Variants in BBS9 observed in about 807,000 individuals in gnomAD.
BBS9 encodes Bardet-Biedl syndrome 9.
A neutral mutation model predicts 117.7 loss-of-function variants in BBS9; 89 were observed. The ratio of observed to expected loss-of-function variants is 0.76; its 90% CI spans 0.64 to 0.90. BBS9 has a LOEUF of 0.90. Among genes scored for constraint, BBS9 ranks in the 40% least tolerant of loss-of-function variants. The pLI, the probability that BBS9 is intolerant of heterozygous loss-of-function variation, is 0.00. For missense variants in BBS9, 982 were observed against 1,042.2 expected, an observed-to-expected ratio of 0.94 and a Z score of 0.80; for synonymous variants, 379 against 370.9, an observed-to-expected ratio of 1.02 and a Z score of -0.25.
At chr7:33,303,175 G>C (rs1311861936) in intron 9 of BBS9, among the ~76,000 whole-genome samples, 1 of 152,112 alleles carries the variant, frequency 6.6e-6, no homozygotes, top group Non-Finnish European at 1.5e-5. Flanking sequence ...GGAGTCTTCA[G>C]GTTTTTCTGA....
At chr7:33,455,058 C>G (rs1004386484) in intron 19 of BBS9, among the ~76,000 whole-genome samples, 3 of 152,168 alleles carry the variant, frequency 2.0e-5, no homozygotes, top group African/African-American at 7.2e-5. Context: ...TCCAGTTTAT[C>G]ATGTTGTGAG....
chr7:33,544,269 G>T (rs1174532872), intron 21 of BBS9, among the ~76,000 whole-genome samples: 2 of 152,100 alleles, frequency 1.3e-5, no homozygotes, highest in Non-Finnish European at 2.9e-5. Context: ...GAAGAGCCTT[G>T]TTTCATCATA....
intron 21 of BBS9, among the ~76,000 whole-genome samples, chr7:33,613,378 C>G (rs1864973415): frequency 6.6e-6 from 1 of 151,990 alleles, no homozygotes; most frequent in African/African-American, 2.4e-5. Context: ...CCGTGAAATT[C>G]CTGTAGTGCT....
intron 20 of BBS9, among the ~76,000 whole-genome samples, chr7:33,514,708 A>G (rs1004653675): frequency 4.6e-5 from 7 of 152,224 alleles, no homozygotes; most frequent in Non-Finnish European, 8.8e-5. Context: ...CAAAGTAACT[A>G]AAAATGGCGT....
At chr7:33,549,516 G>A (rs980962994) in intron 21 of BBS9, among the ~76,000 whole-genome samples, 87 of 150,316 alleles carry the variant, frequency 5.8e-4, no homozygotes, top group African/African-American at 1.6e-3. Context: ...GAAAATTTTC[G>A]CAAGCTACTC....
chr7:33,542,512 C>G (rs577079027), intron 21 of BBS9, among the ~76,000 whole-genome samples: 1 of 152,178 alleles, frequency 6.6e-6, no homozygotes, highest in South Asian at 2.1e-4. Context: ...CCCCAGAGTC[C>G]ATTGTATCAT....
At chr7:33,520,918 T>C (rs558651338) in intron 20 of BBS9, among the ~76,000 whole-genome samples, 1 of 152,324 alleles carries the variant, frequency 6.6e-6, no homozygotes, top group Non-Finnish European at 1.5e-5. Flanking sequence ...GGAAATCTGG[T>C]CCAAGTGATG....
intron 17 of BBS9, among the ~76,000 whole-genome samples, chr7:33,372,444 G>A (rs767102890): frequency 6.6e-6 from 1 of 152,078 alleles, no homozygotes; most frequent in Non-Finnish European, 1.5e-5. Context: ...TTAATATGAT[G>A]TATCATGCTT....
chr7:33,195,126 G>A (rs1247902174), intron 5 of BBS9, among the ~76,000 whole-genome samples: 1 of 152,098 alleles, frequency 6.6e-6, no homozygotes, highest in Non-Finnish European at 1.5e-5. Context: ...ATGAGAGGGA[G>A]GTTTTTCTAT....
At chr7:33,175,763 A>G (rs1049038823) in intron 4 of BBS9, among the ~76,000 whole-genome samples, 1 of 152,218 alleles carries the variant, frequency 6.6e-6, no homozygotes, top group African/African-American at 2.4e-5. Context: ...CTGGGGCTCT[A>G]TAAATTAGAC....
intron 21 of BBS9, among the ~76,000 whole-genome samples, chr7:33,600,905 G>T (rs1863696901): frequency 6.6e-6 from 1 of 152,168 alleles, no homozygotes; most frequent in African/African-American, 2.4e-5. Flanking sequence ...TCTTCAGGGA[G>T]CCCTGGCTAT....
intron 7 of BBS9, among the ~76,000 whole-genome samples, chr7:33,271,228 G>T (rs1799734350): frequency 6.6e-6 from 1 of 152,184 alleles, no homozygotes; most frequent in Non-Finnish European, 1.5e-5. Flanking sequence ...ATATGGAAAA[G>T]AAAGACTGTT....
intron 6 of BBS9, among the ~76,000 whole-genome samples, chr7:33,263,077 A>C (rs1186043125): frequency 7.0e-6 from 1 of 143,174 alleles, no homozygotes; most frequent in East Asian, 2.0e-4. Flanking sequence ...AAAATGAATG[A>C]AATTTATATA....
chr7:33,449,369 G>T (rs1837446161), intron 19 of BBS9, among the ~76,000 whole-genome samples: 1 of 152,134 alleles, frequency 6.6e-6, no homozygotes, highest in African/African-American at 2.4e-5. Flanking sequence ...CCCAATTTAT[G>T]GACAGATTTG....
chr7:33,489,710 A>G (rs916059405), intron 19 of BBS9, among the ~76,000 whole-genome samples: 1 of 152,224 alleles, frequency 6.6e-6, no homozygotes, highest in African/African-American at 2.4e-5. Flanking sequence ...GGGAATTAAA[A>G]TGATGGCCAC....
intron 1 of BBS9, among the ~76,000 whole-genome samples, chr7:33,132,360 T>G (rs12673026): frequency 0.16 from 24,624 of 152,218 alleles, 2,137 homozygotes; most frequent in South Asian, 0.21. Context: ...TTGTTATGAA[T>G]ATCAAAATAG....
chr7:33,332,396 G>GAGGC (rs1201339353), intron 9 of BBS9, among the ~76,000 whole-genome samples: 1 of 151,926 alleles, frequency 6.6e-6, no homozygotes, highest in Non-Finnish European at 1.5e-5. Context: ...TTAAAAACAA[G>GAGGC]AGGCCAGGTG....
At chr7:33,449,346 G>A (rs978211831) in intron 19 of BBS9, among the ~76,000 whole-genome samples, 15 of 152,156 alleles carry the variant, frequency 9.9e-5, no homozygotes, top group African/African-American at 3.6e-4. Context: ...AATGGTACTG[G>A]CTACAGGCAA....
At chr7:33,548,850 C>T (rs1853874029) in intron 21 of BBS9, among the ~76,000 whole-genome samples, 1 of 149,702 alleles carries the variant, frequency 6.7e-6, no homozygotes, top group Non-Finnish European at 1.5e-5. Context: ...GGCCATACTG[C>T]CCAAGGTAAT....
Sources: allele counts gnomAD v4.1 joint callset (sites outside exome capture counted in the v4.1 genomes callset), GRCh38; gene constraint gnomAD v4.1.1; transcripts MANE v1.5; gene names NCBI Gene and HGNC (gene_info 2026-07-23, HGNC 2026-07-21).